The following CPAP variants were observed in gnomAD, a reference collection of about 807,000 sequenced individuals.
CPAP encodes the protein centrosomal P4.1-associated protein.
At chr13:24,894,852 G>A in the CPAP span, among the ~76,000 whole-genome samples, 1 of 152,128 alleles carries the variant, frequency 6.6e-6, no homozygotes, top group South Asian at 2.1e-4. Context: ...GAGAGGAAGA[G>A]AGGGGAGCCC....
the CPAP span, chr13:24,912,871 G>A: frequency 6.2e-6 from 10 of 1,614,160 alleles, no homozygotes; most frequent in African/African-American, 1.3e-4. Flanking sequence ...AGGAAAGCTG[G>A]TAGAAATGTC....
At chr13:24,888,339 T>C in the CPAP span, among the ~76,000 whole-genome samples, 2 of 151,922 alleles carry the variant, frequency 1.3e-5, no homozygotes, top group African/African-American at 2.4e-5. Flanking sequence ...AGGATTACTA[T>C]GCGGAATATT....
chr13:24,902,077 C>T, the CPAP span, among the ~76,000 whole-genome samples: 4 of 152,144 alleles, frequency 2.6e-5, no homozygotes, highest in Non-Finnish European at 4.4e-5. Flanking sequence ...CCTAGGCTGG[C>T]ACTGAGGCTC....
At chr13:24,886,365 T>C in the CPAP span, 3 of 1,289,084 alleles carry the variant, frequency 2.3e-6, no homozygotes, top group Non-Finnish European at 3.0e-6. Flanking sequence ...CTGCTGGGCG[T>C]GTGAGGCGGC....
chr13:24,900,121 T>G, the CPAP span, among the ~76,000 whole-genome samples: 2 of 151,590 alleles, frequency 1.3e-5, no homozygotes, highest in African/African-American at 4.8e-5. Flanking sequence ...AACTGTGTTG[T>G]ATGTGAGGGC....
At chr13:24,892,940 AC>A in the CPAP span, 1 of 1,074,702 alleles carries the variant, frequency 9.3e-7, no homozygotes, top group Middle Eastern at 2.1e-4. Flanking sequence ...AAGAATAGAG[AC>A]CCAGCAATGA....
the CPAP span, chr13:24,882,358 GTA>G: frequency 6.6e-6 from 1 of 151,810 alleles, no homozygotes; most frequent in African/African-American, 2.4e-5. Flanking sequence ...CTGATTCATA[GTA>G]TATGTGACAG....
the CPAP span, chr13:24,932,930 G>C: frequency 1.0e-6 from 1 of 965,840 alleles, no homozygotes; most frequent in Non-Finnish European, 1.6e-6. Context: ...TTTCCAGTTT[G>C]TATGTATAAC....
the CPAP span, chr13:24,885,614 T>A: frequency 6.2e-7 from 1 of 1,608,396 alleles, no homozygotes. Context: ...ACTTGTCCCT[T>A]ATCCAAATTG....
At chr13:24,906,645 T>C in the CPAP span, 2 of 1,614,114 alleles carry the variant, frequency 1.2e-6, no homozygotes, top group African/African-American at 2.7e-5. Context: ...AGACTTTTCC[T>C]GTTACTACAC....
chr13:24,893,981 C>T, the CPAP span, among the ~76,000 whole-genome samples: 3 of 151,688 alleles, frequency 2.0e-5, no homozygotes, highest in East Asian at 1.9e-4. Context: ...GGTAAGGTGG[C>T]GGGGCTGTGT....
chr13:24,912,861 A>G, the CPAP span: 2 of 1,614,240 alleles, frequency 1.2e-6, no homozygotes, highest in South Asian at 2.2e-5. Context: ...TGCCTTTAAT[A>G]GGAAAGCTGG....
chr13:24,916,748 T>C, the CPAP span, among the ~76,000 whole-genome samples: 3 of 152,338 alleles, frequency 2.0e-5, no homozygotes, highest in Middle Eastern at 3.4e-3. Context: ...GTCCCACAGT[T>C]ATACTGGCAT....
At chr13:24,886,482 C>CTAA in the CPAP span, 195 of 574,600 alleles carry the variant, frequency 3.4e-4, no homozygotes, top group African/African-American at 3.3e-3. Context: ...TTCAATGTAA[C>CTAA]TAATAGATCC....
At chr13:24,915,926 G>T in the CPAP span, among the ~76,000 whole-genome samples, 5 of 152,188 alleles carry the variant, frequency 3.3e-5, no homozygotes, top group Non-Finnish European at 7.3e-5. Context: ...CAGATGAAGG[G>T]TAAGGAGAAC....
At chr13:24,895,290 C>T in the CPAP span, among the ~76,000 whole-genome samples, 1,499 of 152,332 alleles carry the variant, frequency 9.8e-3, 12 homozygotes, top group Non-Finnish European at 0.014. Flanking sequence ...AAAAAGAAAG[C>T]CAAGGCCGGG....
the CPAP span, among the ~76,000 whole-genome samples, chr13:24,900,036 T>TA: frequency 6.6e-6 from 1 of 151,164 alleles, no homozygotes; most frequent in Non-Finnish European, 1.5e-5. Flanking sequence ...GATAAATAAG[T>TA]ACATGGAATA....
chr13:24,901,131 G>A, the CPAP span, among the ~76,000 whole-genome samples: 1 of 152,142 alleles, frequency 6.6e-6, no homozygotes, highest in Non-Finnish European at 1.5e-5. Flanking sequence ...AGGGAGAGCA[G>A]ACAGAAAAGG....
the CPAP span, chr13:24,912,817 T>G: frequency 6.2e-7 from 1 of 1,614,220 alleles, no homozygotes; most frequent in Non-Finnish European, 8.5e-7. Flanking sequence ...TGAATCTTCT[T>G]CATTTATAAA....
Sources: allele counts gnomAD v4.1 joint callset (sites outside exome capture counted in the v4.1 genomes callset), GRCh38; gene constraint gnomAD v4.1.1; transcripts MANE v1.5; gene names NCBI Gene and HGNC (gene_info 2026-07-23, HGNC 2026-07-21).